STAC2: variants seen among roughly 807,000 people sequenced by gnomAD.
The protein encoded by STAC2 is SH3 and cysteine-rich domain-containing protein 2.
In STAC2, 36 loss-of-function variants were observed where a neutral mutation model predicts 49.0. That is an observed-to-expected ratio of 0.74 (90% CI 0.56 to 0.97). The LOEUF (loss-of-function observed/expected upper bound fraction) is 0.97. STAC2 is among the 50% of genes least tolerant of loss of function. The pLI, the probability that STAC2 is intolerant of heterozygous loss-of-function variation, is 0.00. For missense variants in STAC2, 527 were observed against 543.8 expected, an observed-to-expected ratio of 0.97 and a Z score of 0.31; for synonymous variants, 239 against 214.7, an observed-to-expected ratio of 1.11 and a Z score of -0.99.
chr17:39,221,075 C>T (rs1424555113), intron 1 of STAC2, among the ~76,000 whole-genome samples: 7 of 151,582 alleles, frequency 4.6e-5, no homozygotes, highest in Non-Finnish European at 1.0e-4. Flanking sequence ...GGATTACAGG[C>T]GTGAGCCACC....
At chr17:39,223,953 T>C (rs910339009) in intron 1 of STAC2, among the ~76,000 whole-genome samples, 1 of 152,126 alleles carries the variant, frequency 6.6e-6, no homozygotes, top group African/African-American at 2.4e-5. Flanking sequence ...GGGAGTCAGC[T>C]CTGGCCTCAC....
intron 1 of STAC2, among the ~76,000 whole-genome samples, chr17:39,222,507 C>T (rs1395681248): frequency 6.6e-6 from 1 of 152,230 alleles, no homozygotes; most frequent in African/African-American, 2.4e-5. Flanking sequence ...ACTTCAGAGA[C>T]ATCGGGCTTG....
At chr17:39,218,257 AGGGGC>A in intron 1 of STAC2, 84 bp from the exon 2 acceptor site, 1 of 1,441,990 alleles carries the variant, frequency 6.9e-7, no homozygotes, top group Non-Finnish European at 9.7e-7. Context: ...CTCTGGCGGT[AGGGGC>A]GGCAGCAGCA....
Position 39,214,962 on chromosome 17 carries a change from G to A in STAC2, c.761C>T (p.Pro254Leu). The A allele has an allele frequency of 1.2e-6, 2 of 1,614,064 alleles. No individual in the cohort carries two copies. Among genetic ancestry groups the A allele is most frequent in the South Asian group, 1.1e-5 (1 of 91,078 alleles). ...EGSIRSSEEG[P>L]GDSASPVFTA... ...CCACCACCACTCACCACTGTCACCA[G>A]GCCCCTCCTCAGAGCTGCGGATGCT... The change falls in exon 6 of 11, where the codon CCT (proline) becomes CTT (leucine). Residue 254 changes from proline (P) to leucine (L), a missense_variant. Physicochemically the swap from Pro to Leu is moderately conservative, Grantham distance 98. Transcript: ENST00000333461.
intron 1 of STAC2, among the ~76,000 whole-genome samples, chr17:39,220,769 G>A (rs1314691663): frequency 6.8e-6 from 1 of 146,990 alleles, no homozygotes; most frequent in Non-Finnish European, 1.5e-5. Context: ...ACTGCACCCG[G>A]CCTATCATTT....
rs1176997203 is a variant in STAC2 at position 39,210,962 on chromosome 17, C to T, written c.*1330G>A. The T allele has an allele frequency of 6.6e-6, 1 of 152,618 alleles. No homozygotes were observed. Among genetic ancestry groups the T allele is most frequent in the Non-Finnish European group, 1.5e-5 (1 of 68,266 alleles). 9.5% of individuals were successfully genotyped at this position (152,618 alleles called of 1,614,324 possible). ...ACATTCCACCTTCCTTGTCTGTCTT[C>T]CACCCCCTCTTTTTCCCAGGGCTCT... On this transcript the variant is annotated 3_prime_UTR_variant, in exon 11 of 11. Coordinates refer to ENST00000333461, the MANE Select transcript of STAC2 (RefSeq NM_198993.5).
chr17:39,223,447 G>T (rs1035745849), intron 1 of STAC2, among the ~76,000 whole-genome samples: 3 of 152,216 alleles, frequency 2.0e-5, no homozygotes, highest in African/African-American at 7.2e-5. Context: ...CAGCTGGCCT[G>T]ACACAGAAGG....
intron 2 of STAC2, among the ~76,000 whole-genome samples, 185 bp downstream of exon 2, chr17:39,217,682 C>G (rs1028729023): frequency 6.6e-6 from 1 of 151,920 alleles, no homozygotes; most frequent in African/African-American, 2.4e-5. Context: ...AAGATTGCAT[C>G]ACTGCACTCC....
chr17:39,218,994 G>A (rs772666369), intron 1 of STAC2, among the ~76,000 whole-genome samples: 9 of 151,908 alleles, frequency 5.9e-5, no homozygotes, highest in African/African-American at 1.4e-4. Context: ...CCATTGACTC[G>A]TCACCTCACA....
chr17:39,213,672 C>CTT (rs767714627), intron 8 of STAC2, 114 bp from the exon 9 acceptor site: 2,530 of 372,030 alleles, frequency 6.8e-3, no homozygotes, highest in Middle Eastern at 0.012. Flanking sequence ...AGAGACGATT[C>CTT]TTTTTTTTTT....
rs557631783 is a variant in STAC2 at position 39,215,017 on chromosome 17, G to A, written c.706C>T (p.Arg236Trp). 253 of 1,613,976 alleles carry A rather than the reference G, an allele frequency of 1.6e-4. 1 individual carries two copies. The South Asian group carries it at 1.9e-3, about 12-fold the overall frequency. Residue 236 changes from arginine (R) to tryptophan (W), a missense_variant, in exon 6 of 11, where the codon CGG (arginine) becomes TGG (tryptophan). Arg to Trp is a moderately radical substitution (Grantham distance 101, BLOSUM62 -3). Transcript: ENST00000333461. ...TCCCCATCCTCGGTCAGCTCATCCC[G>A]CTCACTCTAGGGACAGAGAGAGGAG... ...SESPTRSLSE[R>W]DELTEDGEGS... is the part of the protein sequence containing the mutation.
chr17:39,213,255 C>T (rs543637223), intron 9 of STAC2, 123 bp from the exon 10 acceptor site: 21 of 1,490,732 alleles, frequency 1.4e-5, no homozygotes, highest in Admixed American at 7.9e-5. Flanking sequence ...TAGGGCTCTC[C>T]GGATTCCAGC....
rs182540282 is a variant in STAC2 at position 39,221,492 on chromosome 17, A to C, written c.91-3319T>G. On this transcript the variant is annotated intron_variant, in intron 1 of 10. Coordinates refer to ENST00000333461, the MANE Select transcript of STAC2 (RefSeq NM_198993.5). Reference sequence around the variant, plus strand: ...GGGGCTGTCATGGTCAGAACATTGGAATTGAGCTAGCACTTTATATGCAGC... The same window carrying C: ...GGGGCTGTCATGGTCAGAACATTGGCATTGAGCTAGCACTTTATATGCAGC... 2.6e-5 allele frequency among the ~76,000 whole-genome samples: 4 copies of C among 152,302 alleles called. No individual in the cohort carries two copies. In the East Asian group the frequency reaches 7.7e-4, roughly 29 times the overall value.
chr17:39,222,863 C>T (rs1388578977), intron 1 of STAC2, among the ~76,000 whole-genome samples: 1 of 152,186 alleles, frequency 6.6e-6, no homozygotes, highest in Admixed American at 6.6e-5. Flanking sequence ...TTCCCCACGG[C>T]GTCTCCTGAA....
At chr17:39,221,378 C>T (rs1352075172) in intron 1 of STAC2, among the ~76,000 whole-genome samples, 1 of 152,158 alleles carries the variant, frequency 6.6e-6, no homozygotes, top group African/African-American at 2.4e-5. Context: ...GGATTACAGG[C>T]GTCAGCCACC....
chr17:39,221,005 G>A (rs34325637), intron 1 of STAC2, among the ~76,000 whole-genome samples: 42 of 141,682 alleles, frequency 3.0e-4, no homozygotes, highest in African/African-American at 1.1e-3. Flanking sequence ...ACCGTGTTAG[G>A]CAGGATGGTC....
intron 1 of STAC2, among the ~76,000 whole-genome samples, chr17:39,224,689 C>A (rs890342614): frequency 2.0e-5 from 3 of 152,234 alleles, no homozygotes; most frequent in Non-Finnish European, 4.4e-5. Flanking sequence ...CCCGCTCCCC[C>A]TCCTCTGGTC....
intron 10 of STAC2, among the ~76,000 whole-genome samples, 163 bp downstream of exon 10, chr17:39,212,832 G>A (rs1191971804): frequency 6.6e-6 from 1 of 152,174 alleles, no homozygotes; most frequent in East Asian, 1.9e-4. Context: ...CCCCAGCAGG[G>A]GCTGGTAGGA....
rs532172860 is a variant in STAC2, at chr17:39,214,148, G to A, written c.941+85C>T. ...TCAGCAGCCTCAAGCATGCAAGAAG[G>A]TTCCTGAAGGCCCCCCTCACACTGT... On this transcript the variant is annotated intron_variant, in intron 8 of 10. Transcript: ENST00000333461. 437 of 1,474,146 alleles carry A rather than the reference G, an allele frequency of 3.0e-4. 4 individuals carry two copies. In the African/African-American group the frequency reaches 5.3e-3, roughly 18 times the overall value. 91.3% of individuals were successfully genotyped at this position (1,474,146 alleles called of 1,614,324 possible). A position where few individuals can be genotyped will look rare whatever the true frequency, so the allele number is the denominator to read the frequency against.
Sources: gnomAD v4.1 joint callset for allele counts (sites outside exome capture counted in the v4.1 genomes callset) on GRCh38, gnomAD v4.1.1 for gene constraint, MANE v1.5 for transcripts, NCBI Gene and HGNC (gene_info 2026-07-23, HGNC 2026-07-21) for gene names.